The following HBS1L variants were observed in gnomAD, a reference collection of about 807,000 sequenced individuals.
HBS1L encodes the protein HBS1 like translational GTPase, also known as HBS1-like protein.
A neutral mutation model predicts 88.9 loss-of-function variants in HBS1L; 55 were observed. That is an observed-to-expected ratio of 0.62 (90% confidence interval 0.50 to 0.77). The LOEUF (loss-of-function observed/expected upper bound fraction) is 0.77. Ranked by LOEUF, HBS1L falls within the 30% of genes least tolerant of loss-of-function variation. The pLI is 0.00. For missense variants in HBS1L, 741 were observed against 829.3 expected (o/e 0.89, Z 1.31); for synonymous variants, 267 against 288.5 (o/e 0.93, Z 0.76).
intron 2 of HBS1L, among the ~76,000 whole-genome samples, chr6:135,045,449 T>C (rs897638476): frequency 6.6e-6 from 1 of 152,182 alleles, no homozygotes. Flanking sequence ...AAAAATCACA[T>C]GAGGCATTCA....
intron 4 of HBS1L, among the ~76,000 whole-genome samples, chr6:135,019,578 T>C (rs1257144579): frequency 6.6e-6 from 1 of 151,924 alleles, no homozygotes; most frequent in Non-Finnish European, 1.5e-5. Context: ...AGATTCGGCG[T>C]AATCCTTATT....
chr6:134,974,098 C>T (rs1401644644), intron 15 of HBS1L, among the ~76,000 whole-genome samples: 3 of 151,924 alleles, frequency 2.0e-5, no homozygotes, highest in East Asian at 3.9e-4. Flanking sequence ...CACAGATATA[C>T]AAAAGATCAT....
At chr6:135,001,068 C>T (rs752972296) in intron 5 of HBS1L, among the ~76,000 whole-genome samples, 1 of 152,158 alleles carries the variant, frequency 6.6e-6, no homozygotes. Flanking sequence ...TCCCATAGAG[C>T]CACATCAAAA....
chr6:135,001,723 A>G (rs1775464284), intron 5 of HBS1L, among the ~76,000 whole-genome samples: 1 of 152,118 alleles, frequency 6.6e-6, no homozygotes, highest in African/African-American at 2.4e-5. Flanking sequence ...CTGAATGCCT[A>G]CTATGTCCTA....
intron 4 of HBS1L, among the ~76,000 whole-genome samples, chr6:135,023,973 T>C (rs1376910180): frequency 1.3e-5 from 2 of 151,498 alleles, no homozygotes; most frequent in Non-Finnish European, 2.9e-5. Flanking sequence ...TTAACACTAT[T>C]TTTTCAATGA....
intron 2 of HBS1L, among the ~76,000 whole-genome samples, chr6:135,049,654 C>T (rs1277562034): frequency 6.6e-6 from 1 of 152,128 alleles, no homozygotes; most frequent in Non-Finnish European, 1.5e-5. Flanking sequence ...TCACTGCAAC[C>T]TCTGCCTCCC....
At position 134,986,775 on chromosome 6, in the gene HBS1L, A is replaced by G; in HGVS notation, c.1266T>C (p.Thr422=). ...NWQQERFQEI[T]GKLGHFLKQA... The stretch of plus-strand genomic sequence containing the variant: ...GCTTAAGAAAGTGCCCAAGTTTTCC[A>G]GTAATCTCTTGAAACCTTTCTTGTT... The change falls in exon 10 of 18, where the codon ACT becomes ACC. Residue 422 remains threonine, a synonymous_variant. Transcript: ENST00000367837. 1 of 1,573,494 alleles carries G rather than the reference A, an allele frequency of 6.4e-7. No homozygotes were observed. The highest frequency in any genetic ancestry group is 8.6e-7 in the Non-Finnish European group (1 of 1,159,538).
At chr6:135,049,612 C>T (rs980314237) in intron 2 of HBS1L, among the ~76,000 whole-genome samples, 1 of 151,930 alleles carries the variant, frequency 6.6e-6, no homozygotes, top group African/African-American at 2.4e-5. Flanking sequence ...GCTTTTGTTG[C>T]CCAGGCTGGA....
intron 1 of HBS1L, 70 bp from the exon 2 acceptor site, chr6:135,050,717 GC>G: frequency 2.2e-6 from 2 of 928,202 alleles, no homozygotes; most frequent in Non-Finnish European, 3.3e-6. Flanking sequence ...TAGTGAGGAA[GC>G]ATCTGAATCC....
intron 3 of HBS1L, 147 bp downstream of exon 3, chr6:135,041,854 A>G (rs1163489323): frequency 1.6e-6 from 1 of 624,854 alleles, no homozygotes; most frequent in African/African-American, 1.8e-5. Context: ...CATACTTAAT[A>G]AAACATAAAC....
rs1053432297 is a variant in HBS1L at position 134,987,536 on chromosome 6, A to G, written c.1230+109T>C. 4 of 714,466 alleles carry G rather than the reference A, an allele frequency of 5.6e-6. No individual in the cohort carries two copies. The East Asian group carries it at 1.2e-4, about 22-fold the overall frequency. 44.3% of individuals were successfully genotyped at this position (714,466 alleles called of 1,614,324 possible). A position where few individuals can be genotyped will look rare whatever the true frequency, so the allele number is the denominator to read the frequency against. ...GAACAGAGAATTTATTTTTAAAAAC[A>G]TGGCAACCGACTAATAAAATGTACA... On this transcript the variant is annotated intron_variant, in intron 9 of 17. Transcript: ENST00000367837.
chr6:134,969,889 GA>G (rs1243032959), intron 15 of HBS1L, among the ~76,000 whole-genome samples: 91 of 152,282 alleles, frequency 6.0e-4, no homozygotes, highest in African/African-American at 2.0e-3. Context: ...ACAGATTAGA[GA>G]GGGGGATAAT....
At chr6:134,982,722 T>C (rs1051481586) in intron 12 of HBS1L, 160 bp from the exon 13 acceptor site, 21 of 409,848 alleles carry the variant, frequency 5.1e-5, no homozygotes, top group Non-Finnish European at 9.1e-5. Flanking sequence ...AAATATGGCA[T>C]ACCACACTTT....
intron 4 of HBS1L, among the ~76,000 whole-genome samples, chr6:135,035,238 T>G (rs1034546191): frequency 1.5e-4 from 23 of 151,630 alleles, no homozygotes; most frequent in African/African-American, 4.6e-4. Flanking sequence ...GATCACAAGC[T>G]CAAGAGATCA....
At chr6:134,971,514 T>C (rs569151239) in intron 15 of HBS1L, among the ~76,000 whole-genome samples, 15 of 152,316 alleles carry the variant, frequency 9.8e-5, no homozygotes, top group Admixed American at 3.3e-4. Context: ...GTGTGAGCTA[T>C]GCAAAATCAG....
In HBS1L at chr6:134,963,701, T is replaced by G. The variant is rs6918512; in HGVS notation, c.*1578A>C. 0.31 allele frequency: 47,787 copies of G among 152,102 alleles called. 7,898 individuals are homozygous for G. Among genetic ancestry groups the G allele is most frequent in the Non-Finnish European group, 0.37 (25,447 of 68,064 alleles). 9.4% of individuals were successfully genotyped at this position (152,102 alleles called of 1,614,324 possible). On this transcript the variant is annotated 3_prime_UTR_variant, in exon 18 of 18. Transcript: ENST00000367837. Reference sequence around the variant, plus strand: ...CCTCCCAAAGTGTTTTGATTACAGGTGTGAGCCACCGCGCCCGGCCGAGAG... The same window carrying G: ...CCTCCCAAAGTGTTTTGATTACAGGGGTGAGCCACCGCGCCCGGCCGAGAG...
rs1468319138 is a variant in HBS1L, at chr6:135,040,550, C to T, written c.236-783G>A. Among the ~76,000 whole-genome samples the T allele has an allele frequency of 9.2e-5, 14 of 152,052 alleles. No individual in the cohort carries two copies. The East Asian group carries it at 1.5e-3, about 17-fold the overall frequency. ...TATTTTTAGTAGAGATGGGTTTCAC[C>T]ATGTTGTCCAGGCTGGCCTCAAATT... is the stretch of plus-strand genomic sequence containing the variant. On this transcript the variant is annotated intron_variant, in intron 3 of 17. Coordinates refer to ENST00000367837, the MANE Select transcript of HBS1L (RefSeq NM_006620.4).
chr6:135,010,054 CTG>C (rs1218422648), intron 4 of HBS1L, among the ~76,000 whole-genome samples: 1 of 152,136 alleles, frequency 6.6e-6, no homozygotes, highest in African/African-American at 2.4e-5. Context: ...AAATATGCTG[CTG>C]TGTCTCATCA....
intron 17 of HBS1L, among the ~76,000 whole-genome samples, chr6:134,965,568 C>T (rs1285935286): frequency 6.6e-6 from 1 of 152,206 alleles, no homozygotes; most frequent in African/African-American, 2.4e-5. Context: ...ATATCAGCTA[C>T]CAATATTGGA....
Sources: gnomAD v4.1 joint callset for allele counts (sites outside exome capture counted in the v4.1 genomes callset) on GRCh38, gnomAD v4.1.1 for gene constraint, MANE v1.5 for transcripts, NCBI Gene and HGNC (gene_info 2026-07-23, HGNC 2026-07-21) for gene names.